THADA: variants seen among roughly 807,000 people sequenced by gnomAD.
The protein encoded by THADA is THADA armadillo repeat containing.
In THADA, 213 loss-of-function variants were observed where a neutral mutation model predicts 219.8. The observed-to-expected ratio is 0.97, with a 90% confidence interval of 0.87 to 1.09. THADA has a LOEUF of 1.09. Among genes scored for constraint, THADA ranks in the 50% least tolerant of loss-of-function variants. The pLI, the probability that THADA is intolerant of heterozygous loss-of-function variation, is 0.00. For synonymous variants in THADA, 1,018 were observed against 828.9 expected, an observed-to-expected ratio of 1.23 and a Z score of -3.92; for missense variants, 2,956 against 2,311.3, an observed-to-expected ratio of 1.28 and a Z score of -5.72.
intron 28 of THADA, among the ~76,000 whole-genome samples, chr2:43,403,374 C>T (rs1016257224): frequency 2.6e-5 from 4 of 152,166 alleles, no homozygotes; most frequent in African/African-American, 2.4e-5. Context: ...CTCCTGAACA[C>T]TTATTAAAGA....
intron 15 of THADA, among the ~76,000 whole-genome samples, chr2:43,561,030 A>AG (rs1698000868): frequency 6.7e-6 from 1 of 149,418 alleles, no homozygotes; most frequent in Non-Finnish European, 1.5e-5. Context: ...AAAAAAAAAA[A>AG]AAAAAAAAGC....
At chr2:43,395,880 T>A (rs993310069) in intron 29 of THADA, among the ~76,000 whole-genome samples, 19 of 152,248 alleles carry the variant, frequency 1.2e-4, no homozygotes, top group South Asian at 4.2e-4. Flanking sequence ...GCCTTCCAAG[T>A]TGAGTAGCTG....
At chr2:43,563,556 C>T (rs1443613816) in intron 15 of THADA, 1 of 152,128 alleles carries the variant, frequency 6.6e-6, no homozygotes, top group East Asian at 1.9e-4. Flanking sequence ...ACATAAGCTC[C>T]AAAGGAAGAA....
At chr2:43,342,980 CTTTTTTCTTT>C (rs1405263286) in intron 30 of THADA, 3 of 152,024 alleles carry the variant, frequency 2.0e-5, no homozygotes, top group Non-Finnish European at 4.4e-5. Flanking sequence ...AGCCAATATA[CTTTTTTCTTT>C]TTTTTTCAAC....
chr2:43,313,092 T>C (rs1677693450), intron 31 of THADA, among the ~76,000 whole-genome samples: 2 of 152,232 alleles, frequency 1.3e-5, no homozygotes, highest in Non-Finnish European at 2.9e-5. Context: ...CACTGACCTA[T>C]TTATTCATGT....
intron 34 of THADA, among the ~76,000 whole-genome samples, chr2:43,289,385 C>T (rs1309136215): frequency 6.6e-6 from 1 of 152,236 alleles, no homozygotes; most frequent in African/African-American, 2.4e-5. Flanking sequence ...ACGCAACTAA[C>T]ATGATGAGTA....
intron 29 of THADA, among the ~76,000 whole-genome samples, chr2:43,375,934 T>C (rs1671324553): frequency 6.6e-6 from 1 of 152,196 alleles, no homozygotes; most frequent in Non-Finnish European, 1.5e-5. Context: ...GTGAAATCAG[T>C]GTCAGTGTTC....
intron 11 of THADA, 93 bp from the exon 12 acceptor site, chr2:43,573,085 T>C: frequency 2.9e-6 from 3 of 1,031,602 alleles, no homozygotes; most frequent in Non-Finnish European, 4.0e-6. Context: ...TAACATTTTA[T>C]TTCAATAAAT....
intron 29 of THADA, among the ~76,000 whole-genome samples, chr2:43,382,796 A>C (rs927848718): frequency 6.6e-6 from 1 of 152,224 alleles, no homozygotes; most frequent in African/African-American, 2.4e-5. Flanking sequence ...CAGATTAAGC[A>C]GGTTTTAAAA....
rs533988034 is a variant in THADA at position 43,547,733 on chromosome 2, T to C, written c.3106+1477A>G. On this transcript the variant is annotated intron_variant, in intron 20 of 37. Coordinates refer to ENST00000405975, the MANE Select transcript of THADA (RefSeq NM_022065.5). ...CAGCTCCATCAGCTCCTTTAAGCAC[T>C]TCTCTGTATTGGTTATTCTAGTTAT... Among the ~76,000 whole-genome samples, 13 of 152,346 alleles carry C rather than the reference T, an allele frequency of 8.5e-5. 1 individual carries two copies. In the East Asian group the frequency reaches 2.5e-3, roughly 29 times the overall value.
At chr2:43,437,017 G>A (rs753072026) in intron 26 of THADA, among the ~76,000 whole-genome samples, 2 of 152,162 alleles carry the variant, frequency 1.3e-5, no homozygotes. Context: ...GTTATGCTTG[G>A]TTATTCACAG....
chr2:43,411,487 C>T (rs1676298442), intron 28 of THADA, among the ~76,000 whole-genome samples: 2 of 152,114 alleles, frequency 1.3e-5, no homozygotes, highest in East Asian at 1.9e-4. Flanking sequence ...AAAGATTCCC[C>T]TCCCCCCAAC....
chr2:43,250,811 A>G (rs1368150542), intron 36 of THADA, among the ~76,000 whole-genome samples: 1 of 152,218 alleles, frequency 6.6e-6, no homozygotes, highest in Admixed American at 6.5e-5. Context: ...GGGTAATTCA[A>G]TTCTGTGTCC....
At chr2:43,445,666 G>T (rs967187010) in intron 26 of THADA, among the ~76,000 whole-genome samples, 1 of 152,098 alleles carries the variant, frequency 6.6e-6, no homozygotes, top group African/African-American at 2.4e-5. Flanking sequence ...AGGATTTTTG[G>T]ACTTTTTTTG....
chr2:43,443,699 C>T (rs1418784501), intron 26 of THADA, among the ~76,000 whole-genome samples: 1 of 152,178 alleles, frequency 6.6e-6, no homozygotes, highest in Non-Finnish European at 1.5e-5. Context: ...TGAAAACAAA[C>T]AAATCAGGAT....
intron 30 of THADA, among the ~76,000 whole-genome samples, chr2:43,332,909 AG>A (rs1275952005): frequency 6.6e-6 from 1 of 152,202 alleles, no homozygotes; most frequent in Non-Finnish European, 1.5e-5. Context: ...GTTGCGTAAA[AG>A]GACTATTTTT....
intron 26 of THADA, among the ~76,000 whole-genome samples, chr2:43,445,736 C>T (rs1681445222): frequency 6.6e-6 from 1 of 152,190 alleles, no homozygotes; most frequent in Non-Finnish European, 1.5e-5. Flanking sequence ...TGCGGTAGCA[C>T]AGTCAGAGCT....
intron 29 of THADA, among the ~76,000 whole-genome samples, chr2:43,368,492 A>G (rs1170627317): frequency 6.6e-6 from 1 of 151,140 alleles, no homozygotes; most frequent in African/African-American, 2.4e-5. Flanking sequence ...GATCTCCTGG[A>G]CTCAAGTGAT....
At chr2:43,468,092 G>A (rs1260724172) in intron 26 of THADA, among the ~76,000 whole-genome samples, 2 of 152,204 alleles carry the variant, frequency 1.3e-5, no homozygotes, top group Non-Finnish European at 2.9e-5. Context: ...TCTGTCACTA[G>A]TTAAAATATG....
Sources: gnomAD v4.1 joint callset for allele counts (sites outside exome capture counted in the v4.1 genomes callset) on GRCh38, gnomAD v4.1.1 for gene constraint, MANE v1.5 for transcripts, NCBI Gene and HGNC (gene_info 2026-07-23, HGNC 2026-07-21) for gene names.